TBC1D23: variants seen among roughly 807,000 people sequenced by gnomAD.
The protein encoded by TBC1D23 is HCV non-structural protein 4A-transactivated protein 1.
TBC1D23 carries 55 observed loss-of-function variants against 91.4 expected under a neutral mutation model. That is an observed-to-expected ratio of 0.60 (90% CI 0.48 to 0.75). The LOEUF (loss-of-function observed/expected upper bound fraction) is 0.75, where lower values mean the gene tolerates loss of function less well. Ranked by LOEUF, TBC1D23 falls within the 30% of genes least tolerant of loss-of-function variation. The pLI, the probability that TBC1D23 is intolerant of heterozygous loss-of-function variation, is 0.00. For missense variants in TBC1D23, 725 were observed against 836.1 expected, an observed-to-expected ratio of 0.87 and a Z score of 1.64; for synonymous variants, 289 against 281.0, an observed-to-expected ratio of 1.03 and a Z score of -0.28.
chr3:100,271,323 G>A (rs559203491), intron 1 of TBC1D23, among the ~76,000 whole-genome samples: 42 of 152,202 alleles, frequency 2.8e-4, no homozygotes, highest in Non-Finnish European at 5.4e-4. Flanking sequence ...TTGGTAGCTG[G>A]ATGGAAAGGG....
At position 100,293,138 on chromosome 3, in the gene TBC1D23, T is replaced by C. The variant is rs200644095; in HGVS notation, c.601-1949T>C. Among the ~76,000 whole-genome samples, 291 of 105,554 alleles carry C rather than the reference T, an allele frequency of 2.8e-3. 1 individual carries two copies. The highest frequency in any genetic ancestry group is 0.021 in the Middle Eastern group (5 of 242). 69.2% of individuals were successfully genotyped at this position (105,554 alleles called of 152,430 possible). A position where few individuals can be genotyped will look rare whatever the true frequency, so the allele number is the denominator to read the frequency against. On this transcript the variant is annotated intron_variant, in intron 5 of 18. Coordinates refer to ENST00000394144, the MANE Select transcript of TBC1D23 (RefSeq NM_001199198.3). ...GTTTGTTTGTTTGTTTACTTATTTA[T>C]TTATTTATTTATTTTGTGAGACGGA...
chr3:100,319,075 T>C lies in TBC1D23; in HGVS notation c.1694T>C (p.Ile565Thr). 6.4e-7 allele frequency: 1 copy of C among 1,558,994 alleles called. No homozygotes were observed. The highest frequency in any genetic ancestry group is 8.7e-7 in the Non-Finnish European group (1 of 1,144,030). The change falls in exon 17 of 19, where the codon ATT becomes ACT. Residue 565 changes from isoleucine (I) to threonine (T), a missense_variant. By Grantham distance (89) the Ile-to-Thr change is moderately conservative. Coordinates refer to ENST00000394144, the MANE Select transcript of TBC1D23 (RefSeq NM_001199198.3). ...TACTTTGTATTTTTTATAGATGAAA[T>C]TGACAGTTCTTCAATGTCAGATGAT... ...GDEEEYDTDEIDSSSMSDDDR... is the reference protein window; with the variant it reads ...GDEEEYDTDETDSSSMSDDDR...
intron 13 of TBC1D23, among the ~76,000 whole-genome samples, chr3:100,309,845 A>G (rs1055789838): frequency 5.9e-5 from 9 of 151,886 alleles, no homozygotes; most frequent in Admixed American, 2.0e-4. Context: ...TCCTGACCTC[A>G]TGATCCACCT....
At chr3:100,314,167 C>G (rs542819170) in intron 15 of TBC1D23, among the ~76,000 whole-genome samples, 1 of 135,922 alleles carries the variant, frequency 7.4e-6, no homozygotes, top group Non-Finnish European at 1.5e-5. Context: ...GGCGCAATCT[C>G]GGCTCACTGC....
chr3:100,306,551 T>C lies in TBC1D23; in HGVS notation c.1413+8T>C. 6.6e-7 allele frequency: 1 copy of C among 1,512,754 alleles called. No homozygotes were observed. The highest frequency in any genetic ancestry group is 9.2e-7 in the Non-Finnish European group (1 of 1,089,372). The allele number at this position is 1,512,754 out of a possible 1,614,324, so 93.7% of individuals were successfully genotyped here. On this transcript the variant is annotated splice_region_variant and intron_variant, in intron 13 of 18. Coordinates refer to ENST00000394144, the MANE Select transcript of TBC1D23 (RefSeq NM_001199198.3). ...AGTATCAATTCTGTTGATGTAAGTATATGTAGAGAATATGTTACCGGATTT... is the reference window on the plus strand; with the variant it reads ...AGTATCAATTCTGTTGATGTAAGTACATGTAGAGAATATGTTACCGGATTT...
Position 100,309,888 on chromosome 3 carries a change from C to T in TBC1D23, c.1414-515C>T, listed in dbSNP as rs564654068. Among the ~76,000 whole-genome samples the T allele has an allele frequency of 7.2e-5, 11 of 152,246 alleles. No homozygotes were observed. In the East Asian group the frequency reaches 1.7e-3, roughly 24 times the overall value. On this transcript the variant is annotated intron_variant, in intron 13 of 18. Coordinates refer to ENST00000394144, the MANE Select transcript of TBC1D23 (RefSeq NM_001199198.3). Reference sequence around the variant, plus strand: ...CCTCCCAAAGTACTGGGATTACAGGCGTGAGCCACCGCGCCCAGCATCTAC... The same window carrying T: ...CCTCCCAAAGTACTGGGATTACAGGTGTGAGCCACCGCGCCCAGCATCTAC...
intron 4 of TBC1D23, among the ~76,000 whole-genome samples, chr3:100,285,029 C>G (rs1402284484): frequency 6.6e-6 from 1 of 152,182 alleles, no homozygotes; most frequent in African/African-American, 2.4e-5. Context: ...AGTGATACCA[C>G]ACTGTATGAG....
intron 1 of TBC1D23, 138 bp downstream of exon 1, chr3:100,261,209 C>T (rs756836170): frequency 2.2e-5 from 17 of 780,404 alleles, no homozygotes; most frequent in Non-Finnish European, 2.1e-5. Context: ...CCTGCCCTAC[C>T]CCTCTGCCAG....
At chr3:100,281,244 T>C (rs2067691527) in intron 2 of TBC1D23, among the ~76,000 whole-genome samples, 1 of 152,210 alleles carries the variant, frequency 6.6e-6, no homozygotes, top group South Asian at 2.1e-4. Context: ...TATGGGTGAT[T>C]TGTTTAAATT....
chr3:100,319,495 C>G (rs1705812828), intron 17 of TBC1D23, among the ~76,000 whole-genome samples: 1 of 152,022 alleles, frequency 6.6e-6, no homozygotes, highest in African/African-American at 2.4e-5. Context: ...GTGGCACGAT[C>G]TCTGCTCACA....
intron 15 of TBC1D23, among the ~76,000 whole-genome samples, chr3:100,312,831 AT>A (rs1231020236): frequency 2.6e-5 from 4 of 152,088 alleles, no homozygotes; most frequent in African/African-American, 9.7e-5. Context: ...TTGAAGTAGC[AT>A]TTTTAAGAAT....
intron 5 of TBC1D23, among the ~76,000 whole-genome samples, chr3:100,294,755 AT>A (rs1205607362): frequency 6.6e-6 from 1 of 152,192 alleles, no homozygotes; most frequent in African/African-American, 2.4e-5. Context: ...TATGCTAGTT[AT>A]GCTATGGCAA....
At chr3:100,274,635 G>C (rs1487657735) in intron 1 of TBC1D23, among the ~76,000 whole-genome samples, 1 of 151,582 alleles carries the variant, frequency 6.6e-6, no homozygotes, top group African/African-American at 2.4e-5. Context: ...CACATAAGTG[G>C]CATTGTATAG....
At chr3:100,319,437 TTTC>T (rs1197916067) in intron 17 of TBC1D23, among the ~76,000 whole-genome samples, 1 of 152,052 alleles carries the variant, frequency 6.6e-6, no homozygotes, top group Non-Finnish European at 1.5e-5. Flanking sequence ...ATTCTTTTTT[TTTC>T]TTTTTGAGAC....
chr3:100,318,990 A>C, intron 16 of TBC1D23, 79 bp from the exon 17 acceptor site: 1 of 955,022 alleles, frequency 1.0e-6, no homozygotes, highest in Non-Finnish European at 1.5e-6. Context: ...AATACTACTG[A>C]AATTTTTTTA....
Position 100,292,270 on chromosome 3 carries a change from G to A in TBC1D23, c.600+1569G>A, listed in dbSNP as rs75196226. On this transcript the variant is annotated intron_variant, in intron 5 of 18. Coordinates refer to ENST00000394144, the MANE Select transcript of TBC1D23 (RefSeq NM_001199198.3). ...ACTTCTGGTTAACTGCTGCTCTTCT[G>A]GTTAACTTGAGATCTTTCTAAAACA... Among the ~76,000 whole-genome samples the A allele has an allele frequency of 5.1e-3, 781 of 152,228 alleles. 12 individuals carry two copies. Among genetic ancestry groups the A allele is most frequent in the African/African-American group, 0.017 (715 of 41,544 alleles).
intron 1 of TBC1D23, among the ~76,000 whole-genome samples, chr3:100,276,673 A>G (rs1484265005): frequency 6.6e-6 from 1 of 152,240 alleles, no homozygotes; most frequent in African/African-American, 2.4e-5. Context: ...TTGGGCTACA[A>G]TGCTTAGATT....
chr3:100,299,417 AT>A (rs575905891), intron 10 of TBC1D23, 86 bp downstream of exon 10: 13 of 736,930 alleles, frequency 1.8e-5, no homozygotes, highest in Admixed American at 1.7e-4. Context: ...AGATTGGGGA[AT>A]TTTTTTCTTT....
At chr3:100,261,209 C>CCCTCTG (rs1243584520) in intron 1 of TBC1D23, 138 bp downstream of exon 1, 1 of 780,404 alleles carries the variant, frequency 1.3e-6, no homozygotes, top group Non-Finnish European at 2.1e-6. Flanking sequence ...CCTGCCCTAC[C>CCCTCTG]CCTCTGCCAG....
Sources: gnomAD v4.1 joint callset for allele counts (sites outside exome capture counted in the v4.1 genomes callset) on GRCh38, gnomAD v4.1.1 for gene constraint, MANE v1.5 for transcripts, NCBI Gene and HGNC (gene_info 2026-07-23, HGNC 2026-07-21) for gene names.